Variants in PRKN observed in about 807,000 individuals in gnomAD.
PRKN encodes E3 ubiquitin-protein ligase parkin.
A neutral mutation model predicts 59.5 loss-of-function variants in PRKN; 56 were observed. That is an observed-to-expected ratio of 0.94 (90% CI 0.76 to 1.18). The LOEUF (loss-of-function observed/expected upper bound fraction) is 1.18, where lower values mean the gene tolerates loss of function less well. Ranked by LOEUF, PRKN falls within the 50% of genes most tolerant of loss-of-function variation. The pLI, the probability that PRKN is intolerant of heterozygous loss-of-function variation, is 0.00. For missense variants in PRKN, 657 were observed against 596.4 expected (o/e 1.10, Z -1.06); for synonymous variants, 250 against 222.1 (o/e 1.13, Z -1.12).
At chr6:162,182,561 C>A (rs1240505940) in intron 4 of PRKN, among the ~76,000 whole-genome samples, 2 of 152,134 alleles carry the variant, frequency 1.3e-5, no homozygotes, top group Non-Finnish European at 2.9e-5. Flanking sequence ...AAGCATCATG[C>A]AAATCTAACA....
intron 1 of PRKN, among the ~76,000 whole-genome samples, chr6:162,669,425 C>T (rs1452007095): frequency 6.6e-6 from 1 of 152,094 alleles, no homozygotes; most frequent in Non-Finnish European, 1.5e-5. Flanking sequence ...GGATGGTAAG[C>T]TAAACTTTAG....
intron 3 of PRKN, among the ~76,000 whole-genome samples, chr6:162,257,231 G>A (rs756965973): frequency 6.6e-6 from 1 of 152,190 alleles, no homozygotes; most frequent in Non-Finnish European, 1.5e-5. Flanking sequence ...AGCACTTCAA[G>A]AGGCCGGGGT....
At chr6:162,545,741 C>T (rs1201170803) in intron 1 of PRKN, among the ~76,000 whole-genome samples, 19 of 152,052 alleles carry the variant, frequency 1.2e-4, no homozygotes, top group Admixed American at 1.2e-3. Context: ...TCACTTTGTT[C>T]TCTTCAACTT....
chr6:161,954,712 C>G (rs774424666), intron 6 of PRKN, among the ~76,000 whole-genome samples: 5 of 152,142 alleles, frequency 3.3e-5, no homozygotes, highest in Non-Finnish European at 7.3e-5. Context: ...TAAACCTGAT[C>G]GAGGTTTTTG....
chr6:162,010,581 A>C lies in PRKN; in HGVS notation c.619-37164T>G, dbSNP rs1782511891. ...TATATAATATATTATATAATGTATTATATTATATATAATATAATATATATT... is the reference window on the plus strand; with the variant it reads ...TATATAATATATTATATAATGTATTCTATTATATATAATATAATATATATT... On this transcript the variant is annotated intron_variant, in intron 5 of 11. Coordinates refer to ENST00000366898, the MANE Select transcript of PRKN (RefSeq NM_004562.3). Among the ~76,000 whole-genome samples, 3 of 11,502 alleles carry C rather than the reference A, an allele frequency of 2.6e-4. 1 individual carries two copies. Among genetic ancestry groups the C allele is most frequent in the Non-Finnish European group, 3.4e-4 (3 of 8,952 alleles). The allele number at this position is 11,502 out of a possible 152,430, so 7.5% of individuals were successfully genotyped here.
Position 161,884,032 on chromosome 6 carries a change from C to T in PRKN, c.734+89270G>A, listed in dbSNP as rs139283942. 8.4e-3 allele frequency among the ~76,000 whole-genome samples: 1,271 copies of T among 152,010 alleles called. 22 individuals are homozygous for T. The highest frequency in any genetic ancestry group is 0.029 in the African/African-American group (1,209 of 41,468). ...ACTCTTGAAAATGAAGTGGGGTGGG[C>T]GGTAAAATATAACATTAAACATAAC... On this transcript the variant is annotated intron_variant, in intron 6 of 11. Transcript: ENST00000366898.
intron 1 of PRKN, among the ~76,000 whole-genome samples, chr6:162,621,418 A>G (rs1782658355): frequency 6.6e-6 from 1 of 152,198 alleles, no homozygotes; most frequent in South Asian, 2.1e-4. Flanking sequence ...CACAAAGATC[A>G]CAGATAACGG....
chr6:162,214,014 T>G (rs750442660), intron 3 of PRKN, among the ~76,000 whole-genome samples: 2 of 151,864 alleles, frequency 1.3e-5, no homozygotes, highest in Non-Finnish European at 2.9e-5. Flanking sequence ...GCACCCTAGA[T>G]CAAAAGGTGT....
chr6:161,404,314 C>T (rs1030754439), intron 9 of PRKN, among the ~76,000 whole-genome samples: 6 of 152,148 alleles, frequency 3.9e-5, no homozygotes, highest in African/African-American at 1.4e-4. Context: ...AGAACACAGG[C>T]ACCTAGACAG....
At chr6:161,600,480 G>T (rs1039244008) in intron 7 of PRKN, among the ~76,000 whole-genome samples, 4 of 151,932 alleles carry the variant, frequency 2.6e-5, no homozygotes, top group Non-Finnish European at 4.4e-5. Flanking sequence ...GATACTTTAG[G>T]TAAGAGATAA....
chr6:162,599,943 C>T (rs1002403830), intron 1 of PRKN, among the ~76,000 whole-genome samples: 1 of 152,144 alleles, frequency 6.6e-6, no homozygotes, highest in Non-Finnish European at 1.5e-5. Flanking sequence ...AACCATGTAT[C>T]CAAATACCAG....
At chr6:161,472,643 A>C (rs1292687164) in intron 9 of PRKN, among the ~76,000 whole-genome samples, 1 of 152,166 alleles carries the variant, frequency 6.6e-6, no homozygotes, top group African/African-American at 2.4e-5. Flanking sequence ...AGTGAAAATA[A>C]ACAACTGGAC....
intron 6 of PRKN, among the ~76,000 whole-genome samples, chr6:161,852,883 G>A (rs866339021): frequency 3.9e-5 from 6 of 152,152 alleles, no homozygotes; most frequent in African/African-American, 1.2e-4. Context: ...TGAGCACCGC[G>A]TGGGCCTCTG....
At chr6:162,503,334 TG>T (rs1269309051) in intron 1 of PRKN, among the ~76,000 whole-genome samples, 4 of 151,806 alleles carry the variant, frequency 2.6e-5, no homozygotes, top group African/African-American at 9.7e-5. Flanking sequence ...GGCTAATTTT[TG>T]GTATTTTGAG....
At chr6:162,399,328 A>C (rs1787642900) in intron 2 of PRKN, among the ~76,000 whole-genome samples, 1 of 152,182 alleles carries the variant, frequency 6.6e-6, no homozygotes, top group Non-Finnish European at 1.5e-5. Flanking sequence ...AATTTGGTTT[A>C]GAGTAACAGA....
intron 6 of PRKN, among the ~76,000 whole-genome samples, chr6:161,961,241 A>C (rs1158308245): frequency 6.6e-6 from 1 of 152,168 alleles, no homozygotes; most frequent in Admixed American, 6.5e-5. Flanking sequence ...GGAGACCTGC[A>C]ATGATAGCAA....
intron 7 of PRKN, among the ~76,000 whole-genome samples, chr6:161,771,366 AAAAAATAAAAT>A (rs1789674424): frequency 2.5e-5 from 3 of 118,980 alleles, no homozygotes; most frequent in Middle Eastern, 4.0e-3. Context: ...AAAAAAAAAA[AAAAAATAAAAT>A]AAAATAAAAT....
At chr6:161,663,329 C>T (rs1328111291) in intron 7 of PRKN, among the ~76,000 whole-genome samples, 1 of 152,144 alleles carries the variant, frequency 6.6e-6, no homozygotes, top group Non-Finnish European at 1.5e-5. Context: ...GGCGAAGTCT[C>T]TGACCACTCT....
At chr6:162,087,901 T>C (rs898454235) in intron 4 of PRKN, among the ~76,000 whole-genome samples, 3 of 152,132 alleles carry the variant, frequency 2.0e-5, no homozygotes, top group African/African-American at 7.2e-5. Flanking sequence ...CAATAATTTC[T>C]AAACAATAGT....
Sources: gnomAD v4.1 joint callset for allele counts (sites outside exome capture counted in the v4.1 genomes callset) on GRCh38, gnomAD v4.1.1 for gene constraint, MANE v1.5 for transcripts, NCBI Gene and HGNC (gene_info 2026-07-23, HGNC 2026-07-21) for gene names.